The following CDH22 variants were observed in gnomAD, a reference collection of about 807,000 sequenced individuals.
CDH22 encodes the protein cadherin 22.
CDH22 carries 30 observed loss-of-function variants against 58.4 expected under a neutral mutation model. The ratio of observed to expected loss-of-function variants is 0.51; its 90% confidence interval spans 0.38 to 0.70. The LOEUF (loss-of-function observed/expected upper bound fraction) is 0.70, where lower values mean the gene tolerates loss of function less well. Ranked by LOEUF, CDH22 falls within the 30% of genes least tolerant of loss-of-function variation. The probability of loss-of-function intolerance (pLI) is 0.00; values close to 1 mark genes in which losing one functional copy is unlikely to be tolerated. For synonymous variants in CDH22, 513 were observed against 558.2 expected (o/e 0.92, Z 1.14); for missense variants, 1,014 against 1,233.9 (o/e 0.82, Z 2.67).
intron 2 of CDH22, among the ~76,000 whole-genome samples, chr20:46,249,877 A>G (rs2086357768): frequency 6.6e-6 from 1 of 151,996 alleles, no homozygotes; most frequent in African/African-American, 2.4e-5. Flanking sequence ...AGCCTGATGA[A>G]CTCCTACACG....
intron 4 of CDH22, chr20:46,220,516 A>G (rs1412517510): frequency 6.5e-6 from 1 of 152,762 alleles, no homozygotes; most frequent in Non-Finnish European, 1.5e-5. Flanking sequence ...GCTGTGTGCT[A>G]AGCTTTGTGC....
Position 46,213,082 on chromosome 20 carries a change from G to A in CDH22, c.945C>T (p.His315=), listed in dbSNP as rs188316438. 1.9e-4 allele frequency: 301 copies of A among 1,614,194 alleles called. No individual in the cohort carries two copies. The highest frequency in any genetic ancestry group is 2.3e-5 in the Non-Finnish European group (27 of 1,180,028). ...DVGENTDMTY[H]LKDESSSGGD... is the part of the protein sequence containing the mutation. ...CGCCGCTGCTGCTCTCGTCCTTAAG[G>A]TGGTAAGTCATGTCTGTGTTCTCTC... The change falls in exon 6 of 12, where the codon CAC becomes CAT. Residue 315 remains histidine (H), a synonymous_variant. Transcript: ENST00000537909.
chr20:46,221,269 T>G (rs2064288), intron 4 of CDH22, among the ~76,000 whole-genome samples: 46,979 of 137,988 alleles, frequency 0.34, 8,398 homozygotes, highest in African/African-American at 0.53. Flanking sequence ...AGGTTTTGGG[T>G]TTTTTTTTTT....
At chr20:46,273,272 C>T (rs541804571) in intron 1 of CDH22, among the ~76,000 whole-genome samples, 1 of 152,246 alleles carries the variant, frequency 6.6e-6, no homozygotes. Context: ...GTTCTCTGGG[C>T]TTCTGTTTTT....
intron 10 of CDH22, among the ~76,000 whole-genome samples, chr20:46,183,171 T>C (rs2085801146): frequency 6.6e-6 from 1 of 152,198 alleles, no homozygotes; most frequent in African/African-American, 2.4e-5. Context: ...AGGGCTGTAC[T>C]GGTTGTTAAA....
chr20:46,278,103 G>T (rs2086529555), intron 1 of CDH22, among the ~76,000 whole-genome samples: 1 of 152,052 alleles, frequency 6.6e-6, no homozygotes, highest in Non-Finnish European at 1.5e-5. Flanking sequence ...GCGAAAGGGT[G>T]ATCAAGGGGT....
At chr20:46,292,609 T>C (rs1191145951) in intron 1 of CDH22, among the ~76,000 whole-genome samples, 2 of 152,176 alleles carry the variant, frequency 1.3e-5, no homozygotes, top group Non-Finnish European at 2.9e-5. Context: ...CAAAGTGGCA[T>C]CTTGGGCAAG....
chr20:46,240,950 G>C lies in CDH22; in HGVS notation c.550+13C>G. 1 of 1,604,730 alleles carries C rather than the reference G, an allele frequency of 6.2e-7. No homozygotes were observed. The highest frequency in any genetic ancestry group is 8.5e-7 in the Non-Finnish European group (1 of 1,173,526). On this transcript the variant is annotated intron_variant, in intron 3 of 11. Transcript: ENST00000537909. ...CTTGATCCCATCCCCCACCCCCAGG[G>C]CCCACAGCCCACCTGTAGGTGAGAG...
At chr20:46,207,058 A>T (rs2145682389) in intron 7 of CDH22, among the ~76,000 whole-genome samples, 1 of 152,254 alleles carries the variant, frequency 6.6e-6, no homozygotes, top group Non-Finnish European at 1.5e-5. Flanking sequence ...TCCTTGGCTG[A>T]GTCATCTTGG....
At chr20:46,212,949 C>T in intron 6 of CDH22, 46 bp downstream of exon 6, 9 of 1,545,632 alleles carry the variant, frequency 5.8e-6, no homozygotes, top group Non-Finnish European at 8.0e-6. Flanking sequence ...CCTGATCCTC[C>T]CACCCCTGAG....
chr20:46,252,570 G>A (rs1311994279), intron 1 of CDH22, among the ~76,000 whole-genome samples: 2 of 152,232 alleles, frequency 1.3e-5, no homozygotes, highest in African/African-American at 4.8e-5. Context: ...AGGGGACAGC[G>A]ATGCTGCTTA....
At chr20:46,203,704 G>C (rs917455108) in intron 7 of CDH22, among the ~76,000 whole-genome samples, 2 of 152,234 alleles carry the variant, frequency 1.3e-5, no homozygotes, top group African/African-American at 4.8e-5. Flanking sequence ...ATTCAGAGAT[G>C]TCTGGCAGGG....
rs557386016 is a variant in CDH22, at chr20:46,195,361, C to T, written c.1423+4062G>A. On this transcript the variant is annotated intron_variant, in intron 8 of 11. Coordinates refer to ENST00000537909, the MANE Select transcript of CDH22 (RefSeq NM_021248.3). ...AAGAGCGATCTTCACTGAATACTCA[C>T]ACAGACCCATCTAAAAATCATAACA... Among the ~76,000 whole-genome samples, 4 of 152,352 alleles carry T rather than the reference C, an allele frequency of 2.6e-5. No individual in the cohort carries two copies. The South Asian group carries it at 8.3e-4, about 32-fold the overall frequency.
At chr20:46,237,111 C>A (rs1485159143) in intron 3 of CDH22, among the ~76,000 whole-genome samples, 2 of 152,224 alleles carry the variant, frequency 1.3e-5, no homozygotes, top group Non-Finnish European at 2.9e-5. Context: ...CAGTGCCTGG[C>A]ACATAGCAGG....
In CDH22 at chr20:46,174,837, C is replaced by T. The variant is rs1009482578; in HGVS notation, c.2156G>A (p.Gly719Asp). The change falls in exon 12 of 12, where the codon GGC becomes GAC. Residue 719 changes from glycine to aspartate, a missense_variant. Physicochemically the swap from Gly to Asp is moderately conservative, Grantham distance 94 (BLOSUM62 -1). Around this residue, in one of 2 missense-constraint regions of CDH22, gnomAD observed 208 missense variants for 195.2 expected, o/e 1.07. Coordinates refer to ENST00000537909, the MANE Select transcript of CDH22 (RefSeq NM_021248.3). This position sits in a 1 kb window ranked among gnomAD's most constrained non-coding sequence, Gnocchi z 4.4. Reference protein sequence around the residue: ...GAGGGSGGGAGSPPQAHLPSE... With the variant: ...GAGGGSGGGADSPPQAHLPSE... ...GGGCAGGTGGGCCTGCGGGGGGCTG[C>T]CCGCGCCCCCGCCCGAGCCCCCGCC... is the stretch of plus-strand genomic sequence containing the variant. 5 of 1,355,472 alleles carry T rather than the reference C, an allele frequency of 3.7e-6. No individual in the cohort carries two copies. Among genetic ancestry groups the T allele is most frequent in the South Asian group, 1.9e-5 (1 of 53,956 alleles). 84.0% of individuals were successfully genotyped at this position (1,355,472 alleles called of 1,614,324 possible).
chr20:46,299,520 T>G (rs1004222557), intron 1 of CDH22, among the ~76,000 whole-genome samples: 10 of 152,166 alleles, frequency 6.6e-5, no homozygotes, highest in Non-Finnish European at 1.3e-4. Flanking sequence ...CACGTTTGTG[T>G]GAGCACGCAG....
At chr20:46,250,139 T>C (rs1288781308) in intron 2 of CDH22, among the ~76,000 whole-genome samples, 1 of 152,214 alleles carries the variant, frequency 6.6e-6, no homozygotes, top group Non-Finnish European at 1.5e-5. Context: ...CAGCTCCTTA[T>C]ATGCCTATGT....
intron 1 of CDH22, among the ~76,000 whole-genome samples, chr20:46,270,277 A>G (rs936642351): frequency 2.2e-4 from 33 of 152,068 alleles, no homozygotes; most frequent in Non-Finnish European, 7.4e-5. Context: ...GAGGGAGAGA[A>G]TATTTCTCAC....
chr20:46,189,365 G>A (rs183989946), intron 8 of CDH22, among the ~76,000 whole-genome samples: 172 of 152,304 alleles, frequency 1.1e-3, no homozygotes, highest in African/African-American at 4.0e-3. Flanking sequence ...TTTGGGAAGA[G>A]GGGGGTGAGG....
Sources: allele counts gnomAD v4.1 joint callset (sites outside exome capture counted in the v4.1 genomes callset), GRCh38; gene constraint gnomAD v4.1.1; regional missense constraint gnomAD v4.1.1; non-coding constraint Gnocchi (gnomAD v3.1); transcripts MANE v1.5; gene names NCBI Gene and HGNC (gene_info 2026-07-23, HGNC 2026-07-21).